PAXBP1: variants seen among roughly 807,000 people sequenced by gnomAD.
PAXBP1 encodes the protein PAX3 and PAX7 binding protein 1.
A neutral mutation model predicts 119.9 loss-of-function variants in PAXBP1; 44 were observed. The observed-to-expected ratio is 0.37, with a 90% CI of 0.29 to 0.47. The LOEUF (loss-of-function observed/expected upper bound fraction) is 0.47, where lower values mean the gene tolerates loss of function less well. PAXBP1 is among the 20% of genes least tolerant of loss of function. The pLI, the probability that PAXBP1 is intolerant of heterozygous loss-of-function variation, is 0.99. For missense variants in PAXBP1, 898 were observed against 1,134.1 expected (o/e 0.79, Z 2.99); for synonymous variants, 393 against 406.6 (o/e 0.97, Z 0.40).
intron 12 of PAXBP1, among the ~76,000 whole-genome samples, chr21:32,745,354 A>T (rs1023885320): frequency 6.6e-6 from 1 of 152,190 alleles, no homozygotes; most frequent in Non-Finnish European, 1.5e-5. Context: ...AACCTCACCT[A>T]TGAAGCAATT....
In PAXBP1 at chr21:32,759,985, T is replaced by C; in HGVS notation, c.985A>G (p.Ser329Gly). The change falls in exon 6 of 18, where the codon AGT (serine) becomes GGT (glycine). Residue 329 changes from serine to glycine, a missense_variant. Transcript: ENST00000331923. ...KGINIPQVQA[S>G]QPAEVNMYYQ... is the part of the protein sequence containing the mutation. ...TACATATTCACTTCTGCGGGTTGAC[T>C]GGCTTGAACCTAGAAAAGAAATGGG... 6.2e-7 allele frequency: 1 copy of C among 1,611,460 alleles called. No homozygotes were observed. The highest frequency in any genetic ancestry group is 8.5e-7 in the Non-Finnish European group (1 of 1,178,632).
chr21:32,742,807 ATTAG>A (rs2043808282), intron 15 of PAXBP1: 21 of 321,550 alleles, frequency 6.5e-5, no homozygotes, highest in Middle Eastern at 5.4e-4. Context: ...CTGTTCTATT[ATTAG>A]TTATTGTTAA....
rs775747068 is a variant in PAXBP1, at chr21:32,744,877, G to C, written c.2105C>G (p.Thr702Arg). The change falls in exon 13 of 18, where the codon ACA becomes AGA. Residue 702 changes from threonine (T) to arginine (R), a missense_variant. By Grantham distance (71) the Thr-to-Arg change is moderately conservative. This residue lies in a region of PAXBP1 where 599 missense variants were observed against 852.7 expected (regional missense o/e 0.70). Transcript: ENST00000331923. ...AATTCCCACCATTCTTGAAGTCTGT[G>C]TTGTAGAAAAAGGGTCCCACATATT... ...AENMWDPFST[T>R]QTSRMVGITL... 3 of 1,605,104 alleles carry C rather than the reference G, an allele frequency of 1.9e-6. No homozygotes were observed. Among genetic ancestry groups the C allele is most frequent in the Non-Finnish European group, 8.5e-7 (1 of 1,176,714 alleles).
At chr21:32,750,464 A>G (rs985478577) in intron 10 of PAXBP1, among the ~76,000 whole-genome samples, 7 of 152,236 alleles carry the variant, frequency 4.6e-5, no homozygotes, top group Non-Finnish European at 8.8e-5. Context: ...GGAAATGAAG[A>G]CTTTTATTTG....
At chr21:32,744,673 G>C in intron 13 of PAXBP1, 119 bp downstream of exon 13, 2 of 1,100,286 alleles carry the variant, frequency 1.8e-6, no homozygotes, top group South Asian at 4.9e-5. Context: ...GGCCCTGATG[G>C]CCCAAGTGGG....
intron 3 of PAXBP1, 23 bp from the exon 4 acceptor site, chr21:32,762,340 T>C (rs147493352): frequency 3.7e-6 from 6 of 1,603,860 alleles, no homozygotes; most frequent in East Asian, 4.5e-5. Context: ...GGTAAGAATA[T>C]GGCAGTATGA....
At chr21:32,741,012 A>G (rs2043774900) in intron 15 of PAXBP1, among the ~76,000 whole-genome samples, 1 of 152,258 alleles carries the variant, frequency 6.6e-6, no homozygotes, top group South Asian at 2.1e-4. Context: ...ATGCAAATGA[A>G]AACCACAATG....
chr21:32,738,919 G>C (rs8129734), intron 15 of PAXBP1, among the ~76,000 whole-genome samples: 87,096 of 151,938 alleles, frequency 0.57, 25,954 homozygotes, highest in African/African-American at 0.74. Flanking sequence ...GCTGCTTGCG[G>C]CAGAGGTCTG....
At chr21:32,740,779 T>A (rs759453757) in intron 15 of PAXBP1, among the ~76,000 whole-genome samples, 1 of 151,676 alleles carries the variant, frequency 6.6e-6, no homozygotes, top group Non-Finnish European at 1.5e-5. Context: ...CTTCTGCATA[T>A]GGAAGACTAT....
chr21:32,741,258 C>T, intron 15 of PAXBP1: 2 of 301,312 alleles, frequency 6.6e-6, no homozygotes, highest in South Asian at 5.4e-5. Context: ...TGTTCATAAC[C>T]AAATTGGAAA....
At chr21:32,750,739 T>G (rs2043945206) in intron 10 of PAXBP1, among the ~76,000 whole-genome samples, 178 bp downstream of exon 10, 1 of 152,194 alleles carries the variant, frequency 6.6e-6, no homozygotes, top group South Asian at 2.1e-4. Context: ...GTTACCCCTA[T>G]TTTTGAGAAT....
chr21:32,749,908 A>T (rs755729136), intron 10 of PAXBP1, among the ~76,000 whole-genome samples: 21 of 152,190 alleles, frequency 1.4e-4, no homozygotes, highest in Non-Finnish European at 2.4e-4. Flanking sequence ...TTTATTCCAG[A>T]TTTAAAAATG....
At chr21:32,741,266 A>G (rs1032973249) in intron 15 of PAXBP1, 1 of 311,852 alleles carries the variant, frequency 3.2e-6, no homozygotes, top group Non-Finnish European at 6.0e-6. Flanking sequence ...ACCAAATTGG[A>G]AATGTCGGGG....
At chr21:32,743,153 G>T in intron 15 of PAXBP1, 95 bp downstream of exon 15, 1 of 857,610 alleles carries the variant, frequency 1.2e-6, no homozygotes, top group African/African-American at 1.7e-5. Flanking sequence ...ATAGATCTAA[G>T]CCTATGGAGT....
chr21:32,754,897 A>G (rs187669825), intron 8 of PAXBP1, among the ~76,000 whole-genome samples: 308 of 152,304 alleles, frequency 2.0e-3, no homozygotes, highest in African/African-American at 7.2e-3. Flanking sequence ...AAATGGGGGA[A>G]AAAACCAATT....
In PAXBP1 at chr21:32,734,976, A is replaced by T. The variant is rs776872837; in HGVS notation, c.2728T>A (p.Phe910Ile). 1.2e-6 allele frequency: 2 copies of T among 1,613,812 alleles called. No homozygotes were observed. The highest frequency in any genetic ancestry group is 2.2e-5 in the South Asian group (2 of 91,068). ...SVASDHNVKE[F>I]KSLIEGK ...TATTTTCCTTCGATCAAAGACTTAA[A>T]TTCTTTCACATTGTGGTCACTTGCA... Residue 910 changes from phenylalanine (F) to isoleucine (I), a missense_variant, in exon 18 of 18, where the codon TTT becomes ATT. By Grantham distance (21) the Phe-to-Ile change is conservative. This residue lies in a region of PAXBP1 where 599 missense variants were observed against 852.7 expected (regional missense o/e 0.70). Transcript: ENST00000331923.
chr21:32,751,205 C>A lies in PAXBP1; in HGVS notation c.1521G>T (p.Met507Ile). 1.2e-6 allele frequency: 2 copies of A among 1,614,016 alleles called. No individual in the cohort carries two copies. Among genetic ancestry groups the A allele is most frequent in the South Asian group, 2.2e-5 (2 of 91,048 alleles). ...EFSSHSNKAL[M>I]APNLDSFGRD... ...GTCCAAAGGAGTCAAGATTTGGTGC[C>A]ATCAGAGCTTTGTCTGCAAAACAAC... Residue 507 changes from methionine (M) to isoleucine (I), a missense_variant, in exon 9 of 18, where the codon ATG becomes ATT. By Grantham distance (10) the Met-to-Ile change is conservative. Around this residue, in one of 2 missense-constraint regions of PAXBP1, gnomAD observed 599 missense variants for 852.7 expected, o/e 0.70. Coordinates refer to ENST00000331923, the MANE Select transcript of PAXBP1 (RefSeq NM_016631.4).
intron 5 of PAXBP1, 68 bp downstream of exon 5, chr21:32,760,991 T>C: frequency 7.5e-7 from 1 of 1,326,038 alleles, no homozygotes; most frequent in Non-Finnish European, 1.1e-6. Flanking sequence ...ACGGAATTTT[T>C]TACTTTAACA....
intron 2 of PAXBP1, among the ~76,000 whole-genome samples, chr21:32,768,590 C>T (rs1190130606): frequency 3.3e-5 from 5 of 152,108 alleles, no homozygotes; most frequent in Non-Finnish European, 5.9e-5. Context: ...ACTGTGAGAC[C>T]TTTTTAAACC....
Sources: allele counts gnomAD v4.1 joint callset (sites outside exome capture counted in the v4.1 genomes callset), GRCh38; gene constraint gnomAD v4.1.1; regional missense constraint gnomAD v4.1.1; transcripts MANE v1.5; gene names NCBI Gene and HGNC (gene_info 2026-07-23, HGNC 2026-07-21).